NEK11: variants seen among roughly 807,000 people sequenced by gnomAD.
The protein encoded by NEK11 is NIMA related kinase 11.
NEK11 carries 72 observed loss-of-function variants against 80.7 expected under a neutral mutation model. That is an observed-to-expected ratio of 0.89 (90% CI 0.74 to 1.08). The LOEUF (loss-of-function observed/expected upper bound fraction) is 1.08, where lower values mean the gene tolerates loss of function less well. NEK11 is among the 50% of genes least tolerant of loss of function. The pLI is 0.00. For synonymous variants in NEK11, 251 were observed against 260.7 expected, an observed-to-expected ratio of 0.96 and a Z score of 0.36; for missense variants, 764 against 763.6, an observed-to-expected ratio of 1.00 and a Z score of -0.01.
chr3:131,119,563 A>G (rs1421971074), intron 5 of NEK11, among the ~76,000 whole-genome samples: 1 of 152,154 alleles, frequency 6.6e-6, no homozygotes, highest in Non-Finnish European at 1.5e-5. Context: ...TAATGTTGAC[A>G]GTGGGATGTT....
chr3:131,280,190 A>T (rs1239133935), intron 17 of NEK11, among the ~76,000 whole-genome samples: 2 of 152,212 alleles, frequency 1.3e-5, no homozygotes, highest in Non-Finnish European at 2.9e-5. Context: ...CAGTTTAATG[A>T]CAGGGATGGC....
intron 16 of NEK11, among the ~76,000 whole-genome samples, chr3:131,253,334 C>G (rs980070320): frequency 3.4e-4 from 52 of 151,764 alleles, no homozygotes; most frequent in African/African-American, 1.2e-3. Flanking sequence ...ATACAAGAAG[C>G]AAGACCAGAC....
chr3:131,129,880 CATT>C (rs200501146), intron 5 of NEK11, among the ~76,000 whole-genome samples: 2,015 of 152,226 alleles, frequency 0.013, 40 homozygotes, highest in African/African-American at 0.045. Context: ...AGTCCTCCAA[CATT>C]GTTGTTCTCC....
chr3:131,266,845 AG>A (rs1213662018), intron 16 of NEK11, among the ~76,000 whole-genome samples: 1 of 152,082 alleles, frequency 6.6e-6, no homozygotes, highest in East Asian at 1.9e-4. Flanking sequence ...TAGGTCTCTG[AG>A]GGCTTGCTTT....
intron 17 of NEK11, among the ~76,000 whole-genome samples, chr3:131,337,983 C>T (rs905361810): frequency 6.6e-6 from 1 of 151,956 alleles, no homozygotes; most frequent in Non-Finnish European, 1.5e-5. Context: ...TGCTCTGTCA[C>T]CCAGGCTGGA....
chr3:131,286,880 C>T (rs1027217005), intron 17 of NEK11, among the ~76,000 whole-genome samples: 2 of 152,156 alleles, frequency 1.3e-5, no homozygotes, highest in East Asian at 1.9e-4. Context: ...GGAGTTTCAC[C>T]TGTCCTTCAT....
intron 14 of NEK11, among the ~76,000 whole-genome samples, chr3:131,228,075 A>G (rs567624865): frequency 1.3e-5 from 2 of 152,196 alleles, no homozygotes; most frequent in African/African-American, 4.8e-5. Context: ...TACCAGTAAC[A>G]TTTAAAAAAA....
intron 17 of NEK11, among the ~76,000 whole-genome samples, chr3:131,280,042 C>T (rs2096370099): frequency 6.6e-6 from 1 of 152,152 alleles, no homozygotes; most frequent in Non-Finnish European, 1.5e-5. Flanking sequence ...TCATCTTGCT[C>T]TATTGAGATT....
At chr3:131,254,481 C>T (rs2095767088) in intron 16 of NEK11, among the ~76,000 whole-genome samples, 1 of 152,080 alleles carries the variant, frequency 6.6e-6, no homozygotes, top group Admixed American at 6.6e-5. Flanking sequence ...TATTGTTTAG[C>T]AGAGATTAAG....
intron 3 of NEK11, among the ~76,000 whole-genome samples, chr3:131,068,537 C>G (rs1262470003): frequency 6.6e-6 from 1 of 152,118 alleles, no homozygotes; most frequent in East Asian, 1.9e-4. Context: ...GAAAACCACG[C>G]CCAAGCTTCT....
intron 16 of NEK11, among the ~76,000 whole-genome samples, chr3:131,262,608 A>T (rs546259767): frequency 1.3e-5 from 2 of 152,272 alleles, no homozygotes; most frequent in South Asian, 4.1e-4. Context: ...GGAAAGATAT[A>T]CTATCCTTTC....
intron 5 of NEK11, among the ~76,000 whole-genome samples, chr3:131,123,567 A>G (rs891407573): frequency 1.3e-5 from 2 of 152,166 alleles, no homozygotes; most frequent in African/African-American, 4.8e-5. Flanking sequence ...TACTTCTCAT[A>G]ACTGCTTTCT....
At chr3:131,208,292 C>T (rs951366956) in intron 14 of NEK11, among the ~76,000 whole-genome samples, 8 of 152,104 alleles carry the variant, frequency 5.3e-5, no homozygotes, top group African/African-American at 1.9e-4. Context: ...GTTATTATTT[C>T]TGAGGGCTCT....
intron 17 of NEK11, among the ~76,000 whole-genome samples, chr3:131,279,217 G>A (rs991799643): frequency 6.6e-6 from 1 of 151,878 alleles, no homozygotes; most frequent in African/African-American, 2.4e-5. Context: ...GGGCATGGTG[G>A]CACACGTCTG....
At position 131,152,631 on chromosome 3, in the gene NEK11, C is replaced by T; in HGVS notation, c.798C>T (p.Ser266=). 6.2e-7 allele frequency: 1 copy of T among 1,612,188 alleles called. No homozygotes were observed. Among genetic ancestry groups the T allele is most frequent in the Admixed American group, 1.7e-5 (1 of 59,818 alleles). The change falls in exon 9 of 18, where the codon AGC becomes AGT. Residue 266 remains serine (S), a splice_region_variant and synonymous_variant. Transcript: ENST00000383366. ...ATAATTTTCTGTTTAAACATTACAG[C>T]ATGTTGAACAAGAATCCTTCATTAA... ...YPKELNAIME[S]MLNKNPSLRP...
intron 3 of NEK11, among the ~76,000 whole-genome samples, chr3:131,061,679 A>T (rs1217328955): frequency 6.6e-6 from 1 of 152,184 alleles, no homozygotes; most frequent in Non-Finnish European, 1.5e-5. Context: ...TTATCTTATC[A>T]GGTCTCTCGG....
chr3:131,084,635 C>T (rs919197500), intron 4 of NEK11, among the ~76,000 whole-genome samples: 1 of 152,158 alleles, frequency 6.6e-6, no homozygotes, highest in Non-Finnish European at 1.5e-5. Flanking sequence ...GTGGAGAGAA[C>T]ATATGATAGG....
chr3:131,318,739 G>GTATA (rs35126140), intron 17 of NEK11, among the ~76,000 whole-genome samples: 39,739 of 145,268 alleles, frequency 0.27, 5,775 homozygotes, highest in Middle Eastern at 0.44. Flanking sequence ...GTGTACATGT[G>GTATA]TATATATATA....
intron 5 of NEK11, among the ~76,000 whole-genome samples, chr3:131,116,374 A>C (rs547320972): frequency 2.0e-5 from 3 of 152,242 alleles, no homozygotes; most frequent in African/African-American, 7.2e-5. Flanking sequence ...CCAGTCTATC[A>C]CTGATGGAAA....
Sources: allele counts gnomAD v4.1 joint callset (sites outside exome capture counted in the v4.1 genomes callset), GRCh38; gene constraint gnomAD v4.1.1; transcripts MANE v1.5; gene names NCBI Gene and HGNC (gene_info 2026-07-23, HGNC 2026-07-21).